TXLNB: variants seen among roughly 807,000 people sequenced by gnomAD.
TXLNB encodes taxilin beta.
TXLNB carries 37 observed loss-of-function variants against 57.4 expected under a neutral mutation model. The observed-to-expected ratio is 0.64, with a 90% confidence interval of 0.50 to 0.85. TXLNB has a LOEUF of 0.85. Among genes scored for constraint, TXLNB ranks in the 40% least tolerant of loss-of-function variants. TXLNB has a pLI of 0.00. For missense variants in TXLNB, 848 were observed against 825.6 expected (o/e 1.03, Z -0.33); for synonymous variants, 302 against 309.6 (o/e 0.98, Z 0.26).
At chr6:139,308,577 A>G in the TXLNB span, among the ~76,000 whole-genome samples, 1 of 152,180 alleles carries the variant, frequency 6.6e-6, no homozygotes, top group Non-Finnish European at 1.5e-5. Flanking sequence ...TTCCAACCAC[A>G]CTATTGTGTA....
At chr6:139,194,686 G>A in the TXLNB span, among the ~76,000 whole-genome samples, 1 of 152,058 alleles carries the variant, frequency 6.6e-6, no homozygotes, top group Non-Finnish European at 1.5e-5. Context: ...CTTCTGTCTT[G>A]GCCTCTCAAT....
chr6:139,263,921 A>G (rs1776549312), intron 4 of TXLNB, among the ~76,000 whole-genome samples: 1 of 152,234 alleles, frequency 6.6e-6, no homozygotes, highest in Admixed American at 6.5e-5. Context: ...AAGTAATTGT[A>G]CAGACCTTTA....
At chr6:139,229,276 G>T in the TXLNB span, among the ~76,000 whole-genome samples, 1 of 152,078 alleles carries the variant, frequency 6.6e-6, no homozygotes, top group South Asian at 2.1e-4. Context: ...CAGTATGAAA[G>T]TTCTGTCAGG....
the TXLNB span, among the ~76,000 whole-genome samples, chr6:139,201,008 G>A: frequency 3.1e-3 from 476 of 151,990 alleles, 2 homozygotes; most frequent in African/African-American, 0.011. Context: ...ATTCTTCCTG[G>A]CAGCTTTTAT....
chr6:139,206,754 T>C, the TXLNB span, among the ~76,000 whole-genome samples: 17,570 of 151,702 alleles, frequency 0.12, 1,131 homozygotes, highest in African/African-American at 0.16. Context: ...TCATGAGACT[T>C]ACCTAACACA....
chr6:139,315,059 C>T, the TXLNB span, among the ~76,000 whole-genome samples: 2 of 152,108 alleles, frequency 1.3e-5, no homozygotes, highest in African/African-American at 4.8e-5. Flanking sequence ...AAGATCAGTG[C>T]CTGAGATATT....
At chr6:139,261,477 A>G (rs1776480902) in intron 5 of TXLNB, among the ~76,000 whole-genome samples, 1 of 152,202 alleles carries the variant, frequency 6.6e-6, no homozygotes, top group African/African-American at 2.4e-5. Flanking sequence ...GTTATGTTAC[A>G]TTTTAAAGCA....
chr6:139,285,389 G>A (rs1777149841), intron 2 of TXLNB, among the ~76,000 whole-genome samples: 2 of 143,420 alleles, frequency 1.4e-5, no homozygotes, highest in Admixed American at 1.4e-4. Flanking sequence ...CCTCTGGAAT[G>A]AGATTTTGTA....
At chr6:139,190,935 A>C in the TXLNB span, among the ~76,000 whole-genome samples, 5 of 152,126 alleles carry the variant, frequency 3.3e-5, no homozygotes, top group African/African-American at 1.2e-4. Context: ...GTTAAGATTA[A>C]AAAGTTAGAA....
the TXLNB span, among the ~76,000 whole-genome samples, chr6:139,193,822 T>TTATATA: frequency 7.6e-5 from 7 of 92,630 alleles, no homozygotes; most frequent in East Asian, 5.0e-4. Context: ...CCTGGCTAAT[T>TTATATA]TATATATATA....
At chr6:139,225,717 A>C in the TXLNB span, among the ~76,000 whole-genome samples, 9 of 152,242 alleles carry the variant, frequency 5.9e-5, no homozygotes, top group Non-Finnish European at 1.0e-4. Flanking sequence ...GGATTGGAAA[A>C]CTCAATATTG....
At chr6:139,252,969 G>A (rs998931358) in intron 7 of TXLNB, among the ~76,000 whole-genome samples, 2 of 152,182 alleles carry the variant, frequency 1.3e-5, no homozygotes, top group Non-Finnish European at 2.9e-5. Context: ...TCCAGCCTGG[G>A]CAACAGAGTG....
the TXLNB span, among the ~76,000 whole-genome samples, chr6:139,228,546 A>G: frequency 2.0e-5 from 3 of 150,596 alleles, no homozygotes; most frequent in Non-Finnish European, 3.0e-5. Context: ...AAAAAAAAAA[A>G]GGGAAGTTAA....
At chr6:139,297,481 T>C in the TXLNB span, among the ~76,000 whole-genome samples, 2 of 152,216 alleles carry the variant, frequency 1.3e-5, no homozygotes, top group African/African-American at 4.8e-5. Context: ...TTTTCAAGTA[T>C]AGAAGTTTAT....
the TXLNB span, among the ~76,000 whole-genome samples, chr6:139,160,680 C>T: frequency 6.6e-6 from 1 of 152,190 alleles, no homozygotes. Context: ...CTCCCAAGTG[C>T]TGGAATTACA....
At chr6:139,189,400 AAT>A in the TXLNB span, among the ~76,000 whole-genome samples, 2 of 152,222 alleles carry the variant, frequency 1.3e-5, no homozygotes, top group African/African-American at 4.8e-5. Context: ...GAATATTTAA[AAT>A]AGTCAAATTA....
At chr6:139,297,519 G>A in the TXLNB span, among the ~76,000 whole-genome samples, 1 of 152,176 alleles carries the variant, frequency 6.6e-6, no homozygotes, top group South Asian at 2.1e-4. Flanking sequence ...ACCATGGGCT[G>A]AAAGGAAACA....
the TXLNB span, among the ~76,000 whole-genome samples, chr6:139,301,629 T>C: frequency 2.0e-5 from 3 of 152,168 alleles, no homozygotes; most frequent in African/African-American, 7.2e-5. Flanking sequence ...TTTGGAATCA[T>C]CAGAGTCCTC....
intron 7 of TXLNB, among the ~76,000 whole-genome samples, chr6:139,249,654 C>A (rs1489351658): frequency 2.0e-5 from 3 of 152,102 alleles, no homozygotes; most frequent in Admixed American, 6.5e-5. Context: ...AGTCAAACAA[C>A]CCCTAGAGCC....
Sources: gnomAD v4.1 joint callset for allele counts (sites outside exome capture counted in the v4.1 genomes callset) on GRCh38, gnomAD v4.1.1 for gene constraint, MANE v1.5 for transcripts, NCBI Gene and HGNC (gene_info 2026-07-23, HGNC 2026-07-21) for gene names.